Variants in CADPS2 observed in about 807,000 individuals in gnomAD.
CADPS2 encodes the protein calcium dependent secretion activator 2.
A neutral mutation model predicts 172.5 loss-of-function variants in CADPS2; 93 were observed. That is an observed-to-expected ratio of 0.54 (90% confidence interval 0.46 to 0.64). CADPS2 has a LOEUF of 0.64. Among genes scored for constraint, CADPS2 ranks in the 30% least tolerant of loss-of-function variants. CADPS2 has a pLI of 0.00. For synonymous variants in CADPS2, 546 were observed against 555.2 expected, an observed-to-expected ratio of 0.98 and a Z score of 0.23; for missense variants, 1,420 against 1,565.9, an observed-to-expected ratio of 0.91 and a Z score of 1.57.
chr7:122,848,454 G>A (rs574233342), intron 1 of CADPS2, among the ~76,000 whole-genome samples: 23 of 152,288 alleles, frequency 1.5e-4, no homozygotes, highest in Admixed American at 2.6e-4. Flanking sequence ...GGTCTAGGCT[G>A]AACGTTCTCA....
intron 3 of CADPS2, among the ~76,000 whole-genome samples, chr7:122,638,503 T>G (rs2077290481): frequency 6.6e-6 from 1 of 152,254 alleles, no homozygotes; most frequent in African/African-American, 2.4e-5. Flanking sequence ...AGTAGAGCAA[T>G]CTGTCCATCT....
intron 5 of CADPS2, among the ~76,000 whole-genome samples, chr7:122,621,227 C>G (rs2133988538): frequency 6.6e-6 from 1 of 152,128 alleles, no homozygotes; most frequent in Middle Eastern, 3.4e-3. Context: ...TTTACAATAG[C>G]CTCGCTGGCA....
chr7:122,842,897 A>G (rs1277342628), intron 1 of CADPS2, among the ~76,000 whole-genome samples: 2 of 152,180 alleles, frequency 1.3e-5, no homozygotes, highest in South Asian at 2.1e-4. Context: ...TGCTCTAAGG[A>G]AAATTAAAGG....
chr7:122,350,147 T>C (rs2038323202), intron 27 of CADPS2, among the ~76,000 whole-genome samples: 1 of 152,188 alleles, frequency 6.6e-6, no homozygotes, highest in African/African-American at 2.4e-5. Context: ...TCTGCTTGCT[T>C]TGTAAATGAA....
At chr7:122,624,399 G>C (rs2075885238) in intron 4 of CADPS2, among the ~76,000 whole-genome samples, 1 of 152,088 alleles carries the variant, frequency 6.6e-6, no homozygotes, top group Non-Finnish European at 1.5e-5. Flanking sequence ...TTCAAATATA[G>C]TCACTTTTTC....
At chr7:122,712,038 A>C (rs936360069) in intron 2 of CADPS2, among the ~76,000 whole-genome samples, 1 of 152,012 alleles carries the variant, frequency 6.6e-6, no homozygotes, top group African/African-American at 2.4e-5. Flanking sequence ...AAAAAAAAAC[A>C]CTCTTGTATC....
At chr7:122,320,938 G>A (rs986774227) in intron 29 of CADPS2, among the ~76,000 whole-genome samples, 8 of 152,160 alleles carry the variant, frequency 5.3e-5, no homozygotes, top group African/African-American at 1.9e-4. Context: ...GGGATGTGAA[G>A]TGCCAAATTC....
intron 19 of CADPS2, among the ~76,000 whole-genome samples, chr7:122,408,877 T>C (rs1400261529): frequency 6.6e-6 from 1 of 152,186 alleles, no homozygotes; most frequent in Admixed American, 6.5e-5. Flanking sequence ...ATAATAGATA[T>C]AAAATAATAA....
intron 1 of CADPS2, among the ~76,000 whole-genome samples, chr7:122,744,514 T>C (rs2092636655): frequency 6.6e-6 from 1 of 152,164 alleles, no homozygotes; most frequent in African/African-American, 2.4e-5. Context: ...TATGAAAAAC[T>C]CCTTATCCAA....
intron 2 of CADPS2, among the ~76,000 whole-genome samples, chr7:122,703,947 C>A (rs954222008): frequency 1.3e-5 from 2 of 151,968 alleles, no homozygotes; most frequent in African/African-American, 2.4e-5. Flanking sequence ...TTTAAAGATG[C>A]CTTATTGTTT....
intron 15 of CADPS2, among the ~76,000 whole-genome samples, chr7:122,448,928 G>C (rs1280295598): frequency 6.8e-6 from 1 of 147,766 alleles, no homozygotes; most frequent in Non-Finnish European, 1.5e-5. Context: ...GTGAGATAAA[G>C]AAAAAAAAAA....
intron 17 of CADPS2, among the ~76,000 whole-genome samples, chr7:122,434,218 T>C (rs577047793): frequency 6.6e-6 from 1 of 152,336 alleles, no homozygotes; most frequent in South Asian, 2.1e-4. Flanking sequence ...CATATTTTTT[T>C]CTAATTCATT....
intron 1 of CADPS2, among the ~76,000 whole-genome samples, chr7:122,804,067 C>T (rs1003667538): frequency 2.6e-5 from 4 of 151,576 alleles, no homozygotes; most frequent in Admixed American, 2.6e-4. Flanking sequence ...ACTGTGGTCA[C>T]TCATTCCCAG....
At chr7:122,448,487 T>G (rs1451477944) in intron 15 of CADPS2, among the ~76,000 whole-genome samples, 3 of 152,128 alleles carry the variant, frequency 2.0e-5, no homozygotes, top group African/African-American at 7.2e-5. Flanking sequence ...AAAGATGATG[T>G]GCGTATAAGA....
chr7:122,354,857 T>C (rs1254301369), intron 27 of CADPS2, among the ~76,000 whole-genome samples: 1 of 152,108 alleles, frequency 6.6e-6, no homozygotes, highest in Non-Finnish European at 1.5e-5. Flanking sequence ...GCCACAGAAC[T>C]CCTCCCCAAG....
At chr7:122,430,981 T>C (rs1472930992) in intron 17 of CADPS2, among the ~76,000 whole-genome samples, 1 of 152,230 alleles carries the variant, frequency 6.6e-6, no homozygotes, top group East Asian at 1.9e-4. Flanking sequence ...TTACTGGGCA[T>C]TGTTAATGTA....
At chr7:122,634,586 C>T (rs2076882802) in intron 3 of CADPS2, among the ~76,000 whole-genome samples, 1 of 152,132 alleles carries the variant, frequency 6.6e-6, no homozygotes, top group South Asian at 2.1e-4. Flanking sequence ...AGCAGTCTAT[C>T]AATCCTGTTT....
intron 3 of CADPS2, among the ~76,000 whole-genome samples, chr7:122,647,314 T>A (rs1470310745): frequency 6.6e-6 from 1 of 152,178 alleles, no homozygotes; most frequent in Non-Finnish European, 1.5e-5. Context: ...TTTCAAATCC[T>A]ATTGCTCTTC....
intron 3 of CADPS2, among the ~76,000 whole-genome samples, chr7:122,646,015 A>T (rs1379203689): frequency 6.6e-6 from 1 of 151,936 alleles, no homozygotes; most frequent in East Asian, 1.9e-4. Flanking sequence ...AATAATGCTG[A>T]GATTAAAGGA....
Sources: allele counts gnomAD v4.1 joint callset (sites outside exome capture counted in the v4.1 genomes callset), GRCh38; gene constraint gnomAD v4.1.1; transcripts MANE v1.5; gene names NCBI Gene and HGNC (gene_info 2026-07-23, HGNC 2026-07-21).